The following ZFP42 variants were observed in gnomAD, a reference collection of about 807,000 sequenced individuals.
ZFP42 encodes the protein ZFP42 zinc finger protein.
For synonymous variants in ZFP42, 175 were observed against 144.6 expected, an observed-to-expected ratio of 1.21 and a Z score of -1.51; for missense variants, 438 against 377.1, an observed-to-expected ratio of 1.16 and a Z score of -1.34.
chr4:188,003,553 T>C lies in ZFP42; in HGVS notation c.746T>C (p.Phe249Ser), dbSNP rs751477378. The change falls in exon 4 of 4, where the codon TTT becomes TCT. Residue 249 changes from phenylalanine (F) to serine (S), a missense_variant. Physicochemically the swap from Phe to Ser is radical, Grantham distance 155. Coordinates refer to ENST00000326866, the MANE Select transcript of ZFP42 (RefSeq NM_174900.5). ...GGAGAGAAGCCGTTTCGGTGCACTT[T>C]TGAAGGGTGCGGAAAGCGCTTCTCT... The part of the protein sequence containing the change: ...HTGEKPFRCT[F>S]EGCGKRFSLD... 1.2e-6 allele frequency: 2 copies of C among 1,613,724 alleles called. No homozygotes were observed. Among genetic ancestry groups the C allele is most frequent in the East Asian group, 2.2e-5 (1 of 44,880 alleles).
rs1190010644 is a variant in ZFP42, at chr4:188,003,948, CT to C, written c.*215del. 3 of 510,744 alleles carry C rather than the reference CT, an allele frequency of 5.9e-6. No individual in the cohort carries two copies. The highest frequency in any genetic ancestry group is 3.2e-5 in the East Asian group (1 of 30,972). The allele number at this position is 510,744 out of a possible 1,614,324, so 31.6% of individuals were successfully genotyped here. A position where few individuals can be genotyped will look rare whatever the true frequency, so the allele number is the denominator to read the frequency against. ...TTTCTTTTATTTGTTTTATTTAGAACTTTTTTTATTTGTTTTATTTAGAACT... is the reference window on the plus strand; with the variant it reads ...TTTCTTTTATTTGTTTTATTTAGAACTTTTTTATTTGTTTTATTTAGAACT... On this transcript the variant is annotated 3_prime_UTR_variant, in exon 4 of 4. Coordinates refer to ENST00000326866, the MANE Select transcript of ZFP42 (RefSeq NM_174900.5).
chr4:188,003,145 C>G lies in ZFP42; in HGVS notation c.338C>G (p.Ala113Gly), dbSNP rs1268357539. The change falls in exon 4 of 4, where the codon GCA (alanine) becomes GGA (glycine). Residue 113 changes from alanine (A) to glycine (G), a missense_variant. Coordinates refer to ENST00000326866, the MANE Select transcript of ZFP42 (RefSeq NM_174900.5). ...EQQLSQKVFE[A>G]SSLECSLEYM... ...CAGCTTTCTCAAAAGGTTTTCGAAG[C>G]AAGCTCCCTTGAATGTTCTTTGGAA... The G allele has an allele frequency of 2.5e-6, 4 of 1,613,932 alleles. No individual in the cohort carries two copies. The highest frequency in any genetic ancestry group is 2.5e-6 in the Non-Finnish European group (3 of 1,180,032).
intron 1 of ZFP42, among the ~76,000 whole-genome samples, chr4:187,997,431 G>A (rs534646560): frequency 1.3e-3 from 194 of 151,368 alleles, no homozygotes; most frequent in African/African-American, 4.6e-3. Flanking sequence ...GTTTCACCAT[G>A]TTGGCCAGGA....
intron 3 of ZFP42, among the ~76,000 whole-genome samples, chr4:188,001,565 T>A (rs1733823934): frequency 6.6e-6 from 1 of 152,194 alleles, no homozygotes; most frequent in African/African-American, 2.4e-5. Flanking sequence ...TCTCCCTGTT[T>A]TACTGGAACA....
At chr4:187,996,951 G>T (rs1733597661) in intron 1 of ZFP42, among the ~76,000 whole-genome samples, 1 of 150,204 alleles carries the variant, frequency 6.7e-6, no homozygotes, top group Non-Finnish European at 1.5e-5. Flanking sequence ...CCTGGGCCTC[G>T]CCCCAGCCCC....
At chr4:187,998,867 T>C (rs959944198) in intron 1 of ZFP42, among the ~76,000 whole-genome samples, 5 of 152,212 alleles carry the variant, frequency 3.3e-5, no homozygotes, top group African/African-American at 1.2e-4. Context: ...TAGTTATTTC[T>C]GCTAACAGAA....
chr4:188,002,850 A>G lies in ZFP42; in HGVS notation c.43A>G (p.Lys15Glu). 6.2e-7 allele frequency: 1 copy of G among 1,614,208 alleles called. No homozygotes were observed. Among genetic ancestry groups the G allele is most frequent in the Non-Finnish European group, 8.5e-7 (1 of 1,180,028 alleles). ...LKKRAKTRHQ[K>E]GLGGRAPSGA... is the part of the protein sequence containing the mutation. ...GAAACGGGCAAAGACAAGACACCAG[A>G]AAGGCCTGGGTGGAAGAGCCCCCAG... Residue 15 changes from lysine (K) to glutamate (E), a missense_variant, in exon 4 of 4, where the codon AAA becomes GAA. By Grantham distance (56) the Lys-to-Glu change is moderately conservative. Transcript: ENST00000326866.
In ZFP42 at chr4:188,002,874, A is replaced by C; in HGVS notation, c.67A>C (p.Ser23Arg). The change falls in exon 4 of 4, where the codon AGT (serine) becomes CGT (arginine). Residue 23 changes from serine to arginine, a missense_variant. By Grantham distance (110) the Ser-to-Arg change is moderately radical. Coordinates refer to ENST00000326866, the MANE Select transcript of ZFP42 (RefSeq NM_174900.5). ...HQKGLGGRAP[S>R]GAKPRQGKSS... ...GAAAGGCCTGGGTGGAAGAGCCCCC[A>C]GTGGGGCTAAGCCCAGGCAAGGCAA... is the stretch of plus-strand genomic sequence containing the variant. 1 of 1,614,224 alleles carries C rather than the reference A, an allele frequency of 6.2e-7. No individual in the cohort carries two copies. Among genetic ancestry groups the C allele is most frequent in the Non-Finnish European group, 8.5e-7 (1 of 1,180,032 alleles).
At position 188,003,489 on chromosome 4, in the gene ZFP42, G is replaced by C. The variant is rs1733927429; in HGVS notation, c.682G>C (p.Glu228Gln). The C allele has an allele frequency of 6.2e-7, 1 of 1,613,826 alleles. No individual in the cohort carries two copies. Among genetic ancestry groups the C allele is most frequent in the South Asian group, 1.1e-5 (1 of 91,072 alleles). Residue 228 changes from glutamate (E) to glutamine (Q), a missense_variant, in exon 4 of 4, where the codon GAG (glutamate) becomes CAG (glutamine). By Grantham distance (29) the Glu-to-Gln change is conservative. Coordinates refer to ENST00000326866, the MANE Select transcript of ZFP42 (RefSeq NM_174900.5). ...VCAECGKAFV[E>Q]SSKLKRHFLV... Reference sequence around the variant, plus strand: ...TGCGGAATGTGGGAAAGCGTTCGTTGAGAGCTCAAAACTAAAGAGACATTT... The same window carrying C: ...TGCGGAATGTGGGAAAGCGTTCGTTCAGAGCTCAAAACTAAAGAGACATTT...
At position 188,003,389 on chromosome 4, in the gene ZFP42, A is replaced by G; in HGVS notation, c.582A>G (p.Gly194=). Residue 194 remains glycine (G), a synonymous_variant, in exon 4 of 4, where the codon GGA becomes GGG. Transcript: ENST00000326866. ...SLSAIACPQS[G]CTRKLRNRAA... ...GCGCAATCGCTTGTCCTCAGAGTGG[A>G]TGCACTAGGAAGTTGAGGAATAGAG... The G allele has an allele frequency of 6.2e-7, 1 of 1,614,150 alleles. No individual in the cohort carries two copies. The highest frequency in any genetic ancestry group is 8.5e-7 in the Non-Finnish European group (1 of 1,180,034).
chr4:188,003,599 G>C lies in ZFP42; in HGVS notation c.792G>C (p.Thr264=). ...TCTCTCTGGACTTTAATTTGCGTACGCACGTGCGCATCCACACGGGGGAGA... is the reference window on the plus strand; with the variant it reads ...TCTCTCTGGACTTTAATTTGCGTACCCACGTGCGCATCCACACGGGGGAGA... ...KRFSLDFNLR[T]HVRIHTGEKR... is the part of the protein sequence containing the mutation. The change falls in exon 4 of 4, where the codon ACG becomes ACC. Residue 264 remains threonine (T), a synonymous_variant. Coordinates refer to ENST00000326866, the MANE Select transcript of ZFP42 (RefSeq NM_174900.5). 1 of 1,613,416 alleles carries C rather than the reference G, an allele frequency of 6.2e-7. No individual in the cohort carries two copies. Among genetic ancestry groups the C allele is most frequent in the Non-Finnish European group, 8.5e-7 (1 of 1,180,028 alleles).
Position 188,002,973 on chromosome 4 carries a change from T to TA in ZFP42, c.167dup (p.Tyr56Ter), listed in dbSNP as rs1560915257. 1 of 1,613,922 alleles carries TA rather than the reference T, an allele frequency of 6.2e-7. No individual in the cohort carries two copies. Among genetic ancestry groups the TA allele is most frequent in the Non-Finnish European group, 8.5e-7 (1 of 1,180,010 alleles). ...GGCCTTATGTGATGGCTATGTGTGC[T>TA]ATGAGCCTGGCCCTCAGGCTCTCGG... ...VWALCDGYVC[Y>*]EPGPQALGGD... Residue 56 changes from tyrosine (Y) to a stop codon, truncating the protein, a stop_gained and frameshift_variant, in exon 4 of 4, where the codon TAT becomes TAAT. Coordinates refer to ENST00000326866, the MANE Select transcript of ZFP42 (RefSeq NM_174900.5). LOFTEE classifies it low-confidence loss of function (END_TRUNC).
Position 188,003,927 on chromosome 4 carries a change from TTTTA to T in ZFP42, c.*191_*194del, listed in dbSNP as rs1733956020. On this transcript the variant is annotated 3_prime_UTR_variant, in exon 4 of 4. Transcript: ENST00000326866. ...TAAGGACATGGTGCATTTTTTTTTC[TTTTA>T]TTTGTTTTATTTAGAACTTTTTTTA... The T allele has an allele frequency of 5.5e-6, 3 of 544,024 alleles. No homozygotes were observed. The highest frequency in any genetic ancestry group is 3.1e-5 in the East Asian group (1 of 32,718). The allele number at this position is 544,024 out of a possible 1,614,324, so 33.7% of individuals were successfully genotyped here.
intron 1 of ZFP42, among the ~76,000 whole-genome samples, chr4:187,997,011 AGCGTGGAGCATGGAGCATGGAGCG>A (rs879278813): frequency 0.33 from 29,484 of 89,320 alleles, 2,936 homozygotes; most frequent in African/African-American, 0.47. Flanking sequence ...TGGAGCGTGG[AGCGTGGAGCATGGAGCATGGAGCG>A]TGGAGCATGG....
chr4:188,004,746 C>G lies in ZFP42; in HGVS notation c.*1006C>G, dbSNP rs930795463. On this transcript the variant is annotated 3_prime_UTR_variant, in exon 4 of 4. Transcript: ENST00000326866. ...GAGGCTACAGTGAGCTGTGATTGCA[C>G]CACTGTACTCCAGACTGGATAACAG... 1.8e-5 allele frequency: 3 copies of G among 167,024 alleles called. No homozygotes were observed. Among genetic ancestry groups the G allele is most frequent in the Non-Finnish European group, 4.4e-5 (3 of 68,182 alleles). 10.3% of individuals were successfully genotyped at this position (167,024 alleles called of 1,614,324 possible). A position where few individuals can be genotyped will look rare whatever the true frequency, so the allele number is the denominator to read the frequency against.
intron 3 of ZFP42, among the ~76,000 whole-genome samples, chr4:188,001,927 C>T (rs899973828): frequency 2.0e-5 from 3 of 152,174 alleles, no homozygotes; most frequent in African/African-American, 7.2e-5. Context: ...GCCTGTAATC[C>T]CAGCACTTTG....
chr4:187,998,666 A>G (rs1339698270), intron 1 of ZFP42, among the ~76,000 whole-genome samples: 2 of 152,166 alleles, frequency 1.3e-5, no homozygotes, highest in African/African-American at 2.4e-5. Flanking sequence ...AGTTGCCTAC[A>G]GTACTCAGAA....
chr4:188,004,147 C>G lies in ZFP42; in HGVS notation c.*407C>G. 1 of 174,438 alleles carries G rather than the reference C, an allele frequency of 5.7e-6. No homozygotes were observed. The highest frequency in any genetic ancestry group is 1.4e-5 in the Non-Finnish European group (1 of 72,556). 10.8% of individuals were successfully genotyped at this position (174,438 alleles called of 1,614,324 possible). On this transcript the variant is annotated 3_prime_UTR_variant, in exon 4 of 4. Transcript: ENST00000326866. ...TGTAGTTTCCATTTCTTAGCTTTTG[C>G]CTTTTAAATTTATACTTCAGCCAGG...
intron 1 of ZFP42, among the ~76,000 whole-genome samples, chr4:187,998,479 G>C (rs1480431452): frequency 6.6e-6 from 1 of 152,180 alleles, no homozygotes; most frequent in African/African-American, 2.4e-5. Flanking sequence ...GTTGTGTACA[G>C]TGGCGTCCCA....
Sources: allele counts gnomAD v4.1 joint callset (sites outside exome capture counted in the v4.1 genomes callset), GRCh38; gene constraint gnomAD v4.1.1; transcripts MANE v1.5; gene names NCBI Gene and HGNC (gene_info 2026-07-23, HGNC 2026-07-21).